SLC9A9: variants seen among roughly 807,000 people sequenced by gnomAD.
SLC9A9 encodes solute carrier family 9 member A9.
Under a neutral mutation model 77.8 loss-of-function variants are expected in SLC9A9, and 62 were observed. That is an observed-to-expected ratio of 0.80 (90% CI 0.65 to 0.98). SLC9A9 has a LOEUF of 0.98. SLC9A9 is among the 50% of genes least tolerant of loss of function. SLC9A9 has a pLI of 0.00. For missense variants in SLC9A9, 775 were observed against 774.9 expected (o/e 1.00, Z 0.00); for synonymous variants, 320 against 283.5 (o/e 1.13, Z -1.29).
chr3:143,327,608 C>A (rs983657253), intron 14 of SLC9A9, among the ~76,000 whole-genome samples: 1 of 152,176 alleles, frequency 6.6e-6, no homozygotes, highest in Non-Finnish European at 1.5e-5. Context: ...GCCCTCTCCC[C>A]TTCCCTATTT....
At chr3:143,692,103 G>T (rs1176415631) in intron 5 of SLC9A9, among the ~76,000 whole-genome samples, 1 of 151,890 alleles carries the variant, frequency 6.6e-6, no homozygotes, top group Non-Finnish European at 1.5e-5. Flanking sequence ...GAAATACAGG[G>T]CACTGAGGAA....
intron 14 of SLC9A9, among the ~76,000 whole-genome samples, chr3:143,306,163 C>T (rs2030772272): frequency 6.6e-6 from 1 of 152,134 alleles, no homozygotes; most frequent in African/African-American, 2.4e-5. Context: ...TGCTAATGCA[C>T]CATCAGGGAG....
intron 4 of SLC9A9, among the ~76,000 whole-genome samples, chr3:143,743,047 T>G (rs1395177255): frequency 6.6e-6 from 1 of 152,126 alleles, no homozygotes; most frequent in Admixed American, 6.6e-5. Context: ...TATGCCAGTT[T>G]AGGAAAGTGA....
At chr3:143,477,858 G>A (rs1168520877) in intron 11 of SLC9A9, among the ~76,000 whole-genome samples, 1 of 152,192 alleles carries the variant, frequency 6.6e-6, no homozygotes, top group Non-Finnish European at 1.5e-5. Flanking sequence ...CATAGTTAGA[G>A]TAAGAATGTG....
intron 4 of SLC9A9, among the ~76,000 whole-genome samples, chr3:143,725,901 G>GAA (rs55694467): frequency 3.3e-5 from 5 of 151,444 alleles, no homozygotes; most frequent in Admixed American, 6.6e-5. Flanking sequence ...ATAAAAAAAA[G>GAA]AAAAAAATGA....
chr3:143,749,821 A>G (rs1018397791), intron 4 of SLC9A9, among the ~76,000 whole-genome samples: 1 of 152,212 alleles, frequency 6.6e-6, no homozygotes, highest in African/African-American at 2.4e-5. Flanking sequence ...CTTTGTACAC[A>G]CTGAAGTTTG....
At chr3:143,493,575 A>G in intron 11 of SLC9A9, 78 bp downstream of exon 11, 1 of 1,371,112 alleles carries the variant, frequency 7.3e-7, no homozygotes, top group Middle Eastern at 1.8e-4. Context: ...AAAGGGTTCT[A>G]AATTTTCTCA....
At chr3:143,722,259 G>A (rs904651868) in intron 4 of SLC9A9, among the ~76,000 whole-genome samples, 6 of 151,986 alleles carry the variant, frequency 3.9e-5, no homozygotes, top group Non-Finnish European at 7.4e-5. Flanking sequence ...GGATCACGAG[G>A]TCAGGAGATC....
intron 9 of SLC9A9, chr3:143,517,596 C>A: frequency 1.9e-6 from 3 of 1,597,542 alleles, no homozygotes; most frequent in Non-Finnish European, 2.5e-6. Context: ...TCATCATAAT[C>A]CAATTTACAG....
At chr3:143,821,469 G>A (rs2009164888) in intron 2 of SLC9A9, among the ~76,000 whole-genome samples, 1 of 152,144 alleles carries the variant, frequency 6.6e-6, no homozygotes, top group South Asian at 2.1e-4. Flanking sequence ...GATCTTAGAG[G>A]CAGAGTTTGA....
intron 9 of SLC9A9, among the ~76,000 whole-genome samples, chr3:143,497,428 T>C (rs930710870): frequency 2.0e-5 from 3 of 152,168 alleles, no homozygotes; most frequent in Admixed American, 1.3e-4. Flanking sequence ...AGGCAGCATG[T>C]TTGGCTCAGA....
At chr3:143,610,742 C>T (rs1466713498) in intron 6 of SLC9A9, among the ~76,000 whole-genome samples, 2 of 152,286 alleles carry the variant, frequency 1.3e-5, no homozygotes, top group East Asian at 3.9e-4. Context: ...TGGCATTCAA[C>T]TTAAACCTCC....
chr3:143,305,242 G>T (rs2030728353), intron 14 of SLC9A9, among the ~76,000 whole-genome samples: 1 of 152,180 alleles, frequency 6.6e-6, no homozygotes, highest in Admixed American at 6.5e-5. Flanking sequence ...TCTAGCAGGT[G>T]ACTCGTGTTC....
At position 143,266,340 on chromosome 3, in the gene SLC9A9, A is replaced by T. The variant is rs1468937446; in HGVS notation, c.*362T>A. The T allele has an allele frequency of 1.8e-6, 1 of 561,000 alleles. No homozygotes were observed. The allele number at this position is 561,000 out of a possible 1,614,324, so 34.8% of individuals were successfully genotyped here. On this transcript the variant is annotated 3_prime_UTR_variant, in exon 16 of 16. Coordinates refer to ENST00000316549, the MANE Select transcript of SLC9A9 (RefSeq NM_173653.4). ...TAAACTCTCCTTAATGGAGGGAATA[A>T]AATCCAGAATAGAAGTGAAGGGCCT...
chr3:143,598,891 A>T (rs1257207938), intron 6 of SLC9A9, among the ~76,000 whole-genome samples: 8 of 152,214 alleles, frequency 5.3e-5, no homozygotes, highest in Non-Finnish European at 1.2e-4. Flanking sequence ...TTTCCTGAAC[A>T]ATGGTATTAT....
intron 14 of SLC9A9, among the ~76,000 whole-genome samples, chr3:143,316,020 T>C (rs952266918): frequency 8.1e-4 from 124 of 152,358 alleles, no homozygotes; most frequent in African/African-American, 2.8e-3. Context: ...GGTTCTGTGA[T>C]AATGTGTCTG....
intron 13 of SLC9A9, among the ~76,000 whole-genome samples, chr3:143,376,772 G>C (rs190227212): frequency 3.3e-5 from 5 of 152,202 alleles, no homozygotes; most frequent in Admixed American, 2.6e-4. Context: ...TGTTGGCCAA[G>C]GGAAAACCCA....
At chr3:143,596,451 C>A (rs568205143) in intron 6 of SLC9A9, among the ~76,000 whole-genome samples, 1 of 151,986 alleles carries the variant, frequency 6.6e-6, no homozygotes, top group African/African-American at 2.4e-5. Context: ...TTATCTGTAG[C>A]CTTTTTGAAG....
At chr3:143,399,196 CAG>C (rs1394074341) in intron 12 of SLC9A9, among the ~76,000 whole-genome samples, 1 of 151,924 alleles carries the variant, frequency 6.6e-6, no homozygotes, top group African/African-American at 2.4e-5. Flanking sequence ...GGAAAGTTGA[CAG>C]AAAGACAATG....
Sources: gnomAD v4.1 joint callset for allele counts (sites outside exome capture counted in the v4.1 genomes callset) on GRCh38, gnomAD v4.1.1 for gene constraint, MANE v1.5 for transcripts, NCBI Gene and HGNC (gene_info 2026-07-23, HGNC 2026-07-21) for gene names.